Variants in TMEM132D observed in about 807,000 individuals in gnomAD.
The protein encoded by TMEM132D is transmembrane protein 132D.
A neutral mutation model predicts 62.3 loss-of-function variants in TMEM132D; 21 were observed. The ratio of observed to expected loss-of-function variants is 0.34; its 90% confidence interval spans 0.24 to 0.49. The LOEUF is 0.49. Ranked by LOEUF, TMEM132D falls within the 20% of genes least tolerant of loss-of-function variation. The pLI, the probability that TMEM132D is intolerant of heterozygous loss-of-function variation, is 0.99. For missense variants in TMEM132D, 1,346 were observed against 1,402.8 expected (o/e 0.96, Z 0.65); for synonymous variants, 621 against 575.6 (o/e 1.08, Z -1.13).
intron 3 of TMEM132D, among the ~76,000 whole-genome samples, chr12:129,449,054 A>G (rs1873189346): frequency 6.6e-6 from 1 of 152,222 alleles, no homozygotes; most frequent in Non-Finnish European, 1.5e-5. Context: ...CCTTACCTGC[A>G]GGCCACCTTC....
intron 4 of TMEM132D, among the ~76,000 whole-genome samples, chr12:129,249,134 A>T (rs1880200057): frequency 6.6e-6 from 1 of 152,224 alleles, no homozygotes; most frequent in Non-Finnish European, 1.5e-5. Flanking sequence ...TATACAGCTC[A>T]TTAAGCAATA....
intron 8 of TMEM132D, among the ~76,000 whole-genome samples, chr12:129,078,008 C>CTG (rs1874335101): frequency 6.6e-6 from 1 of 152,204 alleles, no homozygotes; most frequent in African/African-American, 2.4e-5. Context: ...AAAATTGTGA[C>CTG]TGACATCTCC....
At chr12:129,466,866 T>G (rs1873925607) in intron 3 of TMEM132D, among the ~76,000 whole-genome samples, 1 of 152,130 alleles carries the variant, frequency 6.6e-6, no homozygotes, top group African/African-American at 2.4e-5. Context: ...CGTCACCATC[T>G]CCAGGAAGAC....
At chr12:129,481,904 G>C (rs906319272) in intron 3 of TMEM132D, among the ~76,000 whole-genome samples, 2 of 152,152 alleles carry the variant, frequency 1.3e-5, no homozygotes, top group Non-Finnish European at 2.9e-5. Flanking sequence ...ACACACATTG[G>C]TATTGGGCTT....
intron 4 of TMEM132D, among the ~76,000 whole-genome samples, chr12:129,286,984 G>C (rs1280972668): frequency 6.6e-6 from 1 of 151,828 alleles, no homozygotes; most frequent in South Asian, 2.1e-4. Context: ...GGAGGTGGAG[G>C]TTGCAATGAG....
intron 3 of TMEM132D, among the ~76,000 whole-genome samples, chr12:129,400,158 A>G (rs763196120): frequency 1.3e-5 from 2 of 152,134 alleles, no homozygotes; most frequent in African/African-American, 4.8e-5. Flanking sequence ...TGTCCCAGAA[A>G]TAAGTGAGGC....
rs1441388253 is a variant in TMEM132D, at chr12:129,351,231, T to A, written c.1116-13414A>T. 3.3e-5 allele frequency among the ~76,000 whole-genome samples: 5 copies of A among 152,240 alleles called. No individual in the cohort carries two copies. The Middle Eastern group carries it at 0.014, about 414-fold the overall frequency. On this transcript the variant is annotated intron_variant, in intron 3 of 8. Transcript: ENST00000422113. ...GGTCGTGCTTATCTCCCAGGATGCA[T>A]CCTCACCAAATTGGACTCTCTCCCA...
intron 2 of TMEM132D, among the ~76,000 whole-genome samples, chr12:129,532,036 A>C (rs973004089): frequency 6.6e-6 from 1 of 152,194 alleles, no homozygotes; most frequent in Non-Finnish European, 1.5e-5. Context: ...AGTTTGGGTG[A>C]CAAAGTGAGA....
chr12:129,817,579 A>G (rs1872383749), intron 1 of TMEM132D, among the ~76,000 whole-genome samples: 1 of 123,628 alleles, frequency 8.1e-6, no homozygotes, highest in Non-Finnish European at 1.7e-5. Flanking sequence ...GAATCACATC[A>G]TAAAGATAAG....
intron 1 of TMEM132D, among the ~76,000 whole-genome samples, chr12:129,757,012 T>C (rs549426681): frequency 6.6e-6 from 1 of 152,158 alleles, no homozygotes; most frequent in Non-Finnish European, 1.5e-5. Context: ...CCTTAATAGA[T>C]GCTAGGTCCT....
At chr12:129,350,182 C>G (rs1240644738) in intron 3 of TMEM132D, among the ~76,000 whole-genome samples, 1 of 152,170 alleles carries the variant, frequency 6.6e-6, no homozygotes, top group East Asian at 1.9e-4. Context: ...TTTATGTGAT[C>G]AACTTAGGAC....
At position 129,321,614 on chromosome 12, in the gene TMEM132D, T is replaced by C. The variant is rs1464796223; in HGVS notation, c.1299+16020A>G. 3.3e-5 allele frequency among the ~76,000 whole-genome samples: 5 copies of C among 152,182 alleles called. No individual in the cohort carries two copies. The South Asian group carries it at 1.0e-3, about 32-fold the overall frequency. On this transcript the variant is annotated intron_variant, in intron 4 of 8. Transcript: ENST00000422113. The stretch of plus-strand genomic sequence containing the variant: ...CTCTTTCGCCCAGGCTGGAGTGCAG[T>C]GGCGCGATCTCAGCTCACTGCAAGC...
chr12:129,318,640 T>A (rs1825193), intron 4 of TMEM132D, among the ~76,000 whole-genome samples: 76,168 of 151,914 alleles, frequency 0.5, 20,558 homozygotes, highest in Non-Finnish European at 0.61. Context: ...TGTAGTAGTG[T>A]GGAGAGGGAC....
At chr12:129,723,680 T>G (rs1347157242) in intron 1 of TMEM132D, among the ~76,000 whole-genome samples, 2 of 152,210 alleles carry the variant, frequency 1.3e-5, no homozygotes, top group African/African-American at 4.8e-5. Flanking sequence ...CAGCCCCTCT[T>G]GTTGCTGGTC....
intron 5 of TMEM132D, among the ~76,000 whole-genome samples, chr12:129,139,818 C>T (rs1481333351): frequency 6.6e-6 from 1 of 152,132 alleles, no homozygotes; most frequent in South Asian, 2.1e-4. Flanking sequence ...TCAAATGATC[C>T]TCCCACCACA....
chr12:129,692,189 C>A (rs1487567890), intron 2 of TMEM132D, among the ~76,000 whole-genome samples: 1 of 152,126 alleles, frequency 6.6e-6, no homozygotes, highest in African/African-American at 2.4e-5. Flanking sequence ...CTCAACAAAG[C>A]ATTAACAAAT....
At chr12:129,256,852 C>T (rs185752806) in intron 4 of TMEM132D, among the ~76,000 whole-genome samples, 6 of 152,162 alleles carry the variant, frequency 3.9e-5, no homozygotes, top group East Asian at 3.9e-4. Context: ...TGAGCCACCA[C>T]GCCCGGCCTG....
intron 2 of TMEM132D, among the ~76,000 whole-genome samples, chr12:129,646,149 C>A (rs1879772610): frequency 6.6e-6 from 1 of 152,186 alleles, no homozygotes; most frequent in East Asian, 1.9e-4. Flanking sequence ...CAAAAACCCA[C>A]TTGGCTTCCC....
chr12:129,406,038 A>G (rs1410323031), intron 3 of TMEM132D, among the ~76,000 whole-genome samples: 1 of 152,226 alleles, frequency 6.6e-6, no homozygotes, highest in African/African-American at 2.4e-5. Context: ...AAATAGAAGT[A>G]TTCTTTCTTC....
Sources: gnomAD v4.1 joint callset for allele counts (sites outside exome capture counted in the v4.1 genomes callset) on GRCh38, gnomAD v4.1.1 for gene constraint, MANE v1.5 for transcripts, NCBI Gene and HGNC (gene_info 2026-07-23, HGNC 2026-07-21) for gene names.